The following PACS1 variants were observed in gnomAD, a reference collection of about 807,000 sequenced individuals.
PACS1 encodes the protein PACS-1.
A neutral mutation model predicts 115.0 loss-of-function variants in PACS1; 24 were observed. That is an observed-to-expected ratio of 0.21 (90% CI 0.15 to 0.29). The LOEUF (loss-of-function observed/expected upper bound fraction) is 0.29, where lower values mean the gene tolerates loss of function less well. PACS1 is among the 10% of genes least tolerant of loss of function. The pLI is 1.00. For missense variants in PACS1, 838 were observed against 1,251.2 expected, an observed-to-expected ratio of 0.67 and a Z score of 4.98; for synonymous variants, 453 against 504.5, an observed-to-expected ratio of 0.90 and a Z score of 1.37.
chr11:66,210,315 C>T (rs1041703830), intron 2 of PACS1, 47 bp from the exon 3 acceptor site: 7 of 1,461,706 alleles, frequency 4.8e-6, no homozygotes, highest in East Asian at 2.3e-5. Flanking sequence ...GGATTACTGG[C>T]ACAAGCCACT....
Position 66,213,223 on chromosome 11 carries a change from G to A in PACS1, c.660+1964G>A, listed in dbSNP as rs530169191. ...CATTTATTTGTATCAGTTATGGACC[G>A]TGGGTTCCTGTTTTATTTGATGGGG... On this transcript the variant is annotated intron_variant, in intron 4 of 23. Coordinates refer to ENST00000320580, the MANE Select transcript of PACS1 (RefSeq NM_018026.4). Among the ~76,000 whole-genome samples, 8 of 152,302 alleles carry A rather than the reference G, an allele frequency of 5.3e-5. No homozygotes were observed. The East Asian group carries it at 9.6e-4, about 18-fold the overall frequency.
chr11:66,148,264 C>G (rs1463214519), intron 1 of PACS1, among the ~76,000 whole-genome samples: 1 of 152,196 alleles, frequency 6.6e-6, no homozygotes, highest in Admixed American at 6.5e-5. Context: ...AAGTGATCCT[C>G]TCAGCTTAGC....
intron 10 of PACS1, chr11:66,221,495 A>C: frequency 4.2e-6 from 2 of 477,172 alleles, no homozygotes; most frequent in Non-Finnish European, 7.7e-6. Context: ...AAAATACAAA[A>C]ATTACCTGGG....
At chr11:66,209,898 C>A (rs527731334) in intron 2 of PACS1, among the ~76,000 whole-genome samples, 1 of 151,188 alleles carries the variant, frequency 6.6e-6, no homozygotes, top group Non-Finnish European at 1.5e-5. Flanking sequence ...GAATGAGACT[C>A]GTCTCAAAAA....
chr11:66,202,851 G>A (rs373805883), intron 2 of PACS1, among the ~76,000 whole-genome samples: 18 of 132,050 alleles, frequency 1.4e-4, no homozygotes, highest in African/African-American at 3.8e-4. Context: ...GGGTATAAAA[G>A]AAACATACCT....
chr11:66,217,787 A>G, intron 7 of PACS1: 1 of 339,248 alleles, frequency 2.9e-6, no homozygotes, highest in Non-Finnish European at 5.9e-6. Flanking sequence ...CTCTGGAAAT[A>G]GGGAGTGGCT....
At chr11:66,237,800 G>A (rs1486754315) in intron 19 of PACS1, among the ~76,000 whole-genome samples, 2 of 152,236 alleles carry the variant, frequency 1.3e-5, no homozygotes, top group Non-Finnish European at 2.9e-5. Context: ...GGAGAGAAGG[G>A]GAGTTGTATC....
chr11:66,084,701 T>A (rs1857539009), intron 1 of PACS1, among the ~76,000 whole-genome samples: 2 of 152,184 alleles, frequency 1.3e-5, no homozygotes, highest in African/African-American at 4.8e-5. Context: ...CACCAATAGT[T>A]CATTTAACTT....
intron 1 of PACS1, among the ~76,000 whole-genome samples, chr11:66,147,980 A>T (rs1859162922): frequency 6.6e-6 from 1 of 152,146 alleles, no homozygotes; most frequent in Non-Finnish European, 1.5e-5. Context: ...TATACCCACA[A>T]AAATTAAAAA....
At chr11:66,174,309 A>G (rs1365741122) in intron 1 of PACS1, among the ~76,000 whole-genome samples, 1 of 152,178 alleles carries the variant, frequency 6.6e-6, no homozygotes, top group African/African-American at 2.4e-5. Flanking sequence ...AAGAACCCTC[A>G]TACATTGCTG....
chr11:66,137,112 G>C (rs538785756), intron 1 of PACS1, among the ~76,000 whole-genome samples: 1 of 148,848 alleles, frequency 6.7e-6, no homozygotes, highest in South Asian at 2.1e-4. Context: ...GTAATAAAAT[G>C]TAGCCATCTT....
rs56203680 is a variant in PACS1 at position 66,202,742 on chromosome 11, AATATATATATATATATATAT to A, written c.445-7599_445-7580del. 1.5e-4 allele frequency among the ~76,000 whole-genome samples: 11 copies of A among 71,652 alleles called. 3 individuals are homozygous for A. Among genetic ancestry groups the A allele is most frequent in the Non-Finnish European group, 2.1e-4 (9 of 42,714 alleles). The allele number at this position is 71,652 out of a possible 152,430, so 47.0% of individuals were successfully genotyped here. On this transcript the variant is annotated intron_variant, in intron 2 of 23. Coordinates refer to ENST00000320580, the MANE Select transcript of PACS1 (RefSeq NM_018026.4). ...CATCTCTAGGAAAAAAAAAAAAAAA[AATATATATATATATATATAT>A]ATATATATATATATATATATTCTGA...
At chr11:66,121,469 G>A (rs1052689997) in intron 1 of PACS1, among the ~76,000 whole-genome samples, 1 of 152,178 alleles carries the variant, frequency 6.6e-6, no homozygotes, top group African/African-American at 2.4e-5. Context: ...AGCTTAGTAA[G>A]GAAGGAATAT....
chr11:66,191,440 G>A (rs1702395584), intron 1 of PACS1, among the ~76,000 whole-genome samples: 1 of 152,136 alleles, frequency 6.6e-6, no homozygotes, highest in African/African-American at 2.4e-5. Flanking sequence ...GGTGGGGGCT[G>A]GGTATTTGGT....
At chr11:66,178,048 C>A (rs1273724328) in intron 1 of PACS1, among the ~76,000 whole-genome samples, 1 of 147,414 alleles carries the variant, frequency 6.8e-6, no homozygotes, top group Non-Finnish European at 1.5e-5. Context: ...AATATGATAT[C>A]TAGTTATATT....
chr11:66,107,492 G>A (rs896744678), intron 1 of PACS1, among the ~76,000 whole-genome samples: 4 of 152,126 alleles, frequency 2.6e-5, no homozygotes, highest in Non-Finnish European at 5.9e-5. Context: ...CTCCATGAGG[G>A]CCATGATTTG....
At chr11:66,232,350 C>G in intron 14 of PACS1, 74 bp downstream of exon 14, 1 of 854,950 alleles carries the variant, frequency 1.2e-6, no homozygotes, top group Non-Finnish European at 2.0e-6. Flanking sequence ...TCAGTGTGGC[C>G]TCCATACTAT....
chr11:66,228,633 A>G (rs550176091), intron 11 of PACS1, among the ~76,000 whole-genome samples: 22 of 152,300 alleles, frequency 1.4e-4, no homozygotes, highest in African/African-American at 5.1e-4. Flanking sequence ...TGAGTGAGTA[A>G]AAAGAAGCCG....
chr11:66,072,988 A>T (rs2134489970), intron 1 of PACS1, among the ~76,000 whole-genome samples: 1 of 152,336 alleles, frequency 6.6e-6, no homozygotes, highest in East Asian at 1.9e-4. Flanking sequence ...AGGCATCCTG[A>T]TCAAATGTAT....
Sources: gnomAD v4.1 joint callset for allele counts (sites outside exome capture counted in the v4.1 genomes callset) on GRCh38, gnomAD v4.1.1 for gene constraint, MANE v1.5 for transcripts, NCBI Gene and HGNC (gene_info 2026-07-23, HGNC 2026-07-21) for gene names.